Variants in ENDOD1 observed in about 807,000 individuals in gnomAD.
The protein encoded by ENDOD1 is endonuclease domain containing 1.
ENDOD1 carries 9 observed loss-of-function variants against 6.5 expected under a neutral mutation model. The observed-to-expected ratio is 1.39, with a 90% CI of 0.84 to 2.43. The LOEUF (loss-of-function observed/expected upper bound fraction) is 2.43. ENDOD1 is among the 30% of genes most tolerant of loss of function. The pLI, the probability that ENDOD1 is intolerant of heterozygous loss-of-function variation, is 0.00. For synonymous variants in ENDOD1, 255 were observed against 255.2 expected (o/e 1.00, Z 0.01); for missense variants, 648 against 635.5 (o/e 1.02, Z -0.21).
intron 1 of ENDOD1, among the ~76,000 whole-genome samples, chr11:95,106,821 C>T (rs935253563): frequency 1.1e-5 from 1 of 89,860 alleles, no homozygotes; most frequent in African/African-American, 8.6e-5. Flanking sequence ...TTCATAGACA[C>T]CCCCCCCTTT....
Position 95,125,465 on chromosome 11 carries a change from T to C in ENDOD1, c.301-2912T>C, listed in dbSNP as rs1005666743. Among the ~76,000 whole-genome samples the C allele has an allele frequency of 3.3e-5, 5 of 152,236 alleles. No homozygotes were observed. The East Asian group carries it at 9.6e-4, about 29-fold the overall frequency. On this transcript the variant is annotated intron_variant, in intron 1 of 1. Coordinates refer to ENST00000278505, the MANE Select transcript of ENDOD1 (RefSeq NM_015036.3). ...TATTATTATTATTATTATTATACTT[T>C]AAGTTTTAGGGTACATGTGCACAAC...
intron 1 of ENDOD1, among the ~76,000 whole-genome samples, chr11:95,095,930 GTTA>G (rs1381302722): frequency 6.6e-6 from 1 of 152,126 alleles, no homozygotes; most frequent in Non-Finnish European, 1.5e-5. Flanking sequence ...GACTAGACTT[GTTA>G]TTTTATTTTT....
chr11:95,130,630 A>G lies in ENDOD1; in HGVS notation c.*1051A>G, dbSNP rs144742186. 533 of 152,322 alleles carry G rather than the reference A, an allele frequency of 3.5e-3. 4 individuals carry two copies. Among genetic ancestry groups the G allele is most frequent in the African/African-American group, 0.011 (469 of 41,568 alleles). 9.4% of individuals were successfully genotyped at this position (152,322 alleles called of 1,614,324 possible). On this transcript the variant is annotated 3_prime_UTR_variant, in exon 2 of 2. Transcript: ENST00000278505. ...TGGTTGTTTTGATACAACTATATAGAAAAGAGCCACAAAATAAAGATAAAA... is the reference window on the plus strand; with the variant it reads ...TGGTTGTTTTGATACAACTATATAGGAAAGAGCCACAAAATAAAGATAAAA...
intron 1 of ENDOD1, among the ~76,000 whole-genome samples, chr11:95,114,426 A>G (rs1555112279): frequency 1.3e-5 from 2 of 152,190 alleles, no homozygotes; most frequent in Non-Finnish European, 2.9e-5. Context: ...GGTAGTTTGC[A>G]AATATTTTAT....
At chr11:95,098,352 C>T (rs1173888975) in intron 1 of ENDOD1, among the ~76,000 whole-genome samples, 13 of 152,088 alleles carry the variant, frequency 8.5e-5, no homozygotes, top group East Asian at 1.9e-4. Context: ...TTTCTTAATA[C>T]GCACACAAAA....
At position 95,109,752 on chromosome 11, in the gene ENDOD1, C is replaced by T. The variant is rs114578360; in HGVS notation, c.301-18625C>T. ...GCTGCCATGCTGCTCCTTCGAGAAT[C>T]CACCCTTCTCCTCCCCATCACCACT... On this transcript the variant is annotated intron_variant, in intron 1 of 1. Coordinates refer to ENST00000278505, the MANE Select transcript of ENDOD1 (RefSeq NM_015036.3). Among the ~76,000 whole-genome samples the T allele has an allele frequency of 3.0e-3, 452 of 152,392 alleles. 1 individual carries two copies. Among genetic ancestry groups the T allele is most frequent in the African/African-American group, 0.011 (439 of 41,590 alleles).
intron 1 of ENDOD1, among the ~76,000 whole-genome samples, chr11:95,094,456 T>C (rs1245536722): frequency 6.6e-6 from 1 of 152,198 alleles, no homozygotes; most frequent in Non-Finnish European, 1.5e-5. Flanking sequence ...CTGACAGTCA[T>C]AGGACAAGTG....
At chr11:95,109,649 G>T (rs1859127338) in intron 1 of ENDOD1, among the ~76,000 whole-genome samples, 1 of 152,240 alleles carries the variant, frequency 6.6e-6, no homozygotes, top group African/African-American at 2.4e-5. Flanking sequence ...CTGCCCACTT[G>T]TGTCCCACAC....
intron 1 of ENDOD1, among the ~76,000 whole-genome samples, chr11:95,091,136 G>A (rs1325303849): frequency 6.6e-6 from 1 of 152,132 alleles, no homozygotes; most frequent in Non-Finnish European, 1.5e-5. Flanking sequence ...CCTCTCCTCA[G>A]TTGGCCTCCT....
chr11:95,120,670 G>A (rs949399274), intron 1 of ENDOD1, among the ~76,000 whole-genome samples: 1 of 152,056 alleles, frequency 6.6e-6, no homozygotes, highest in Admixed American at 6.5e-5. Flanking sequence ...AGCCACCTTG[G>A]CTGGTGTCTC....
chr11:95,129,740 C>T lies in ENDOD1; in HGVS notation c.*161C>T. ...AGAAGATGGCAGAATTTAGACTTGA[C>T]AGAGGAGAAATGCTCAGGGTGAGAT... On this transcript the variant is annotated 3_prime_UTR_variant, in exon 2 of 2. Coordinates refer to ENST00000278505, the MANE Select transcript of ENDOD1 (RefSeq NM_015036.3). 1 of 721,726 alleles carries T rather than the reference C, an allele frequency of 1.4e-6. No homozygotes were observed. The highest frequency in any genetic ancestry group is 2.2e-6 in the Non-Finnish European group (1 of 445,954). 44.7% of individuals were successfully genotyped at this position (721,726 alleles called of 1,614,324 possible).
chr11:95,103,387 A>T (rs1332134760), intron 1 of ENDOD1, among the ~76,000 whole-genome samples: 3 of 152,196 alleles, frequency 2.0e-5, no homozygotes, highest in African/African-American at 7.2e-5. Flanking sequence ...GCAAAGGATT[A>T]GTCCTCAGAC....
chr11:95,108,756 T>A (rs1859118996), intron 1 of ENDOD1, among the ~76,000 whole-genome samples: 1 of 152,142 alleles, frequency 6.6e-6, no homozygotes, highest in Non-Finnish European at 1.5e-5. Context: ...CCCTCCATTG[T>A]TGAAAGGCAG....
At chr11:95,101,344 A>C (rs782762245) in intron 1 of ENDOD1, among the ~76,000 whole-genome samples, 37 of 152,258 alleles carry the variant, frequency 2.4e-4, no homozygotes, top group East Asian at 1.9e-4. Flanking sequence ...GTGATCAAAA[A>C]AATGTTGTTG....
intron 1 of ENDOD1, among the ~76,000 whole-genome samples, chr11:95,123,081 C>G (rs1314081361): frequency 6.6e-6 from 1 of 151,864 alleles, no homozygotes; most frequent in Non-Finnish European, 1.5e-5. Flanking sequence ...CCCAGCTACT[C>G]CAGAGGCTGA....
intron 1 of ENDOD1, among the ~76,000 whole-genome samples, chr11:95,123,188 CAAA>C (rs57764199): frequency 4.4e-5 from 6 of 136,204 alleles, no homozygotes; most frequent in African/African-American, 1.1e-4. Flanking sequence ...GACTCCGTCT[CAAA>C]AAAAAAAAAA....
In ENDOD1 at chr11:95,128,796, C is replaced by G. The variant is rs199810733; in HGVS notation, c.720C>G (p.Thr240=). The G allele has an allele frequency of 6.2e-7, 1 of 1,614,100 alleles. No individual in the cohort carries two copies. Among genetic ancestry groups the G allele is most frequent in the Non-Finnish European group, 8.5e-7 (1 of 1,180,016 alleles). The part of the protein sequence containing the change: ...GGWAMGFVKH[T]RDSDIIEDVM... ...GGGCCATGGGCTTTGTCAAGCACAC[C>G]CGGGACAGTGACATCATAGAAGATG... Residue 240 remains threonine, a synonymous_variant, in exon 2 of 2, where the codon ACC becomes ACG. Coordinates refer to ENST00000278505, the MANE Select transcript of ENDOD1 (RefSeq NM_015036.3).
At chr11:95,119,750 G>C (rs1350056642) in intron 1 of ENDOD1, among the ~76,000 whole-genome samples, 1 of 152,206 alleles carries the variant, frequency 6.6e-6, no homozygotes, top group Non-Finnish European at 1.5e-5. Context: ...TTTCATTCAG[G>C]GCAGTGAGTT....
Position 95,090,088 on chromosome 11 carries a change from A to T in ENDOD1, c.161A>T (p.Lys54Met). Residue 54 changes from lysine to methionine, a missense_variant, in exon 1 of 2, where the codon AAG becomes ATG. Physicochemically the swap from Lys to Met is moderately conservative, Grantham distance 95. Transcript: ENST00000278505. ...GGGCTGGCGGCCGATTCCCACGTGA[A>T]GATCTGTCAGCGCGCGGAGGGTGCT... ...PAGLAADSHV[K>M]ICQRAEGAER... 6.3e-7 allele frequency: 1 copy of T among 1,599,958 alleles called. No homozygotes were observed. The highest frequency in any genetic ancestry group is 8.5e-7 in the Non-Finnish European group (1 of 1,174,584).
Sources: gnomAD v4.1 joint callset for allele counts (sites outside exome capture counted in the v4.1 genomes callset) on GRCh38, gnomAD v4.1.1 for gene constraint, MANE v1.5 for transcripts, NCBI Gene and HGNC (gene_info 2026-07-23, HGNC 2026-07-21) for gene names.